The following ABLIM1 variants were observed in gnomAD, a reference collection of about 807,000 sequenced individuals.
The protein encoded by ABLIM1 is actin binding LIM protein 1.
Under a neutral mutation model 107.0 loss-of-function variants are expected in ABLIM1, and 40 were observed. That is an observed-to-expected ratio of 0.37 (90% CI 0.29 to 0.49). The LOEUF (loss-of-function observed/expected upper bound fraction) is 0.49. Ranked by LOEUF, ABLIM1 falls within the 20% of genes least tolerant of loss-of-function variation. ABLIM1 has a pLI of 0.97. For synonymous variants in ABLIM1, 357 were observed against 357.3 expected, an observed-to-expected ratio of 1.00 and a Z score of 0.01; for missense variants, 857 against 1,008.5, an observed-to-expected ratio of 0.85 and a Z score of 2.04.
At chr10:114,764,266 A>T (rs1431391107) in intron 1 of ABLIM1, among the ~76,000 whole-genome samples, 1 of 152,244 alleles carries the variant, frequency 6.6e-6, no homozygotes, top group African/African-American at 2.4e-5. Flanking sequence ...TCATAAAATT[A>T]AAGAATGCTT....
At chr10:114,472,425 C>T (rs950771163) in intron 10 of ABLIM1, among the ~76,000 whole-genome samples, 1 of 152,122 alleles carries the variant, frequency 6.6e-6, no homozygotes, top group Non-Finnish European at 1.5e-5. Flanking sequence ...GTCACATGGT[C>T]AAAGTCAAAC....
At chr10:114,679,668 C>T (rs2080658045) in intron 1 of ABLIM1, among the ~76,000 whole-genome samples, 1 of 151,000 alleles carries the variant, frequency 6.6e-6, no homozygotes, top group Admixed American at 6.6e-5. Flanking sequence ...TATCTTAAAC[C>T]TTTTAATAAA....
intron 1 of ABLIM1, among the ~76,000 whole-genome samples, chr10:114,639,463 C>A (rs1239460082): frequency 6.6e-6 from 1 of 152,202 alleles, no homozygotes; most frequent in Non-Finnish European, 1.5e-5. Context: ...GCCACACCGG[C>A]CACACAGGCC....
intron 1 of ABLIM1, among the ~76,000 whole-genome samples, chr10:114,647,349 T>C (rs2079056073): frequency 6.9e-6 from 1 of 145,386 alleles, no homozygotes; most frequent in South Asian, 2.1e-4. Context: ...GGCTACCAAG[T>C]GAAGATAGAG....
chr10:114,538,369 CT>C, intron 6 of ABLIM1, among the ~76,000 whole-genome samples: 1 of 152,296 alleles, frequency 6.6e-6, no homozygotes, highest in African/African-American at 2.4e-5. Flanking sequence ...GCTGTCCACC[CT>C]TTCCAAGTTA....
At chr10:114,446,817 A>G (rs542700281) in intron 15 of ABLIM1, among the ~76,000 whole-genome samples, 5 of 152,370 alleles carry the variant, frequency 3.3e-5, no homozygotes, top group Admixed American at 2.0e-4. Context: ...TCTTACAATT[A>G]TAAATGTCAG....
chr10:114,662,793 G>A (rs1406276538), upstream of ABLIM1, among the ~76,000 whole-genome samples: 6 of 152,184 alleles, frequency 3.9e-5, no homozygotes, highest in Admixed American at 3.9e-4. Context: ...ATGGCACTCT[G>A]AGGACTGAAG....
intron 12 of ABLIM1, among the ~76,000 whole-genome samples, chr10:114,460,998 ACATTT>A (rs2063773759): frequency 6.6e-6 from 1 of 152,250 alleles, no homozygotes; most frequent in Non-Finnish European, 1.5e-5. Flanking sequence ...GAGGAAGTTT[ACATTT>A]TAATGAATCA....
At chr10:114,476,999 C>A (rs58432847) in intron 8 of ABLIM1, among the ~76,000 whole-genome samples, 3,812 of 152,008 alleles carry the variant, frequency 0.025, 159 homozygotes, top group African/African-American at 0.088. Context: ...TTCTCGGTAA[C>A]CCTAGGAGGT....
intron 1 of ABLIM1, among the ~76,000 whole-genome samples, chr10:114,650,164 T>C (rs910936194): frequency 6.6e-6 from 1 of 152,116 alleles, no homozygotes; most frequent in Non-Finnish European, 1.5e-5. Flanking sequence ...CTCCACACAA[T>C]CCATATTCCC....
intron 14 of ABLIM1, 110 bp from the exon 15 acceptor site, chr10:114,448,130 GA>G: frequency 7.0e-7 from 1 of 1,431,162 alleles, no homozygotes; most frequent in Non-Finnish European, 9.6e-7. Flanking sequence ...TTCAGTTCCA[GA>G]AAGTTCTGTT....
chr10:114,662,145 G>A (rs887581265), upstream of ABLIM1, among the ~76,000 whole-genome samples: 4 of 152,088 alleles, frequency 2.6e-5, no homozygotes, highest in South Asian at 2.1e-4. Flanking sequence ...GCCACCTTAC[G>A]ATGCCAATAT....
At chr10:114,538,099 T>C (rs1288448600) in intron 6 of ABLIM1, among the ~76,000 whole-genome samples, 2 of 152,190 alleles carry the variant, frequency 1.3e-5, no homozygotes, top group Non-Finnish European at 2.9e-5. Context: ...TTAAAATACC[T>C]ATGCCAAAAA....
intron 15 of ABLIM1, 95 bp downstream of exon 15, chr10:114,447,774 TTTAAAATCTTC>T (rs2061242476): frequency 6.7e-7 from 1 of 1,486,608 alleles, no homozygotes; most frequent in Admixed American, 2.0e-5. Flanking sequence ...CATACTTTTC[TTTAAAATCTTC>T]ATAATAGGAT....
intron 22 of ABLIM1, among the ~76,000 whole-genome samples, chr10:114,436,652 T>C (rs1346829441): frequency 1.3e-5 from 2 of 152,136 alleles, no homozygotes; most frequent in Non-Finnish European, 2.9e-5. Context: ...TTTATTACAT[T>C]GGAGACAACT....
chr10:114,748,580 CAAAA>C (rs34184273), intron 1 of ABLIM1, among the ~76,000 whole-genome samples: 1 of 131,478 alleles, frequency 7.6e-6, no homozygotes, highest in African/African-American at 3.1e-5. Context: ...TTGCCTGTTT[CAAAA>C]AAAAAAAAAA....
chr10:114,636,091 A>T (rs1457841719), intron 1 of ABLIM1, among the ~76,000 whole-genome samples: 1 of 152,216 alleles, frequency 6.6e-6, no homozygotes, highest in Non-Finnish European at 1.5e-5. Context: ...TGAGGAAGGT[A>T]TTAAGACAGG....
intron 1 of ABLIM1, among the ~76,000 whole-genome samples, chr10:114,644,031 C>T (rs536162006): frequency 6.6e-6 from 1 of 151,384 alleles, no homozygotes; most frequent in South Asian, 2.1e-4. Flanking sequence ...TCTGTAATCC[C>T]AGCACTTTGG....
At chr10:114,501,534 G>C (rs1458098116) in intron 6 of ABLIM1, among the ~76,000 whole-genome samples, 2 of 152,152 alleles carry the variant, frequency 1.3e-5, no homozygotes, top group Non-Finnish European at 1.5e-5. Flanking sequence ...CATGTTGTAA[G>C]TCCTTAACGA....
Sources: gnomAD v4.1 joint callset for allele counts (sites outside exome capture counted in the v4.1 genomes callset) on GRCh38, gnomAD v4.1.1 for gene constraint, MANE v1.5 for transcripts, NCBI Gene and HGNC (gene_info 2026-07-23, HGNC 2026-07-21) for gene names.